Variants in SAMSN1 observed in about 807,000 individuals in gnomAD.
SAMSN1 encodes the protein SAM domain-containing protein SAMSN-1.
Under a neutral mutation model 42.0 loss-of-function variants are expected in SAMSN1, and 31 were observed. The ratio of observed to expected loss-of-function variants is 0.74; its 90% CI spans 0.55 to 1.00. The LOEUF is 1.00. Among genes scored for constraint, SAMSN1 ranks in the 50% least tolerant of loss-of-function variants. The pLI, the probability that SAMSN1 is intolerant of heterozygous loss-of-function variation, is 0.00. For synonymous variants in SAMSN1, 178 were observed against 151.9 expected, an observed-to-expected ratio of 1.17 and a Z score of -1.26; for missense variants, 464 against 439.4, an observed-to-expected ratio of 1.06 and a Z score of -0.50.
At chr21:14,530,335 A>AT (rs1555833460) in intron 1 of SAMSN1, among the ~76,000 whole-genome samples, 214 of 89,744 alleles carry the variant, frequency 2.4e-3, no homozygotes, top group African/African-American at 5.5e-3. Context: ...AAAAAAAAAA[A>AT]AGAAAGAAAT....
intron 2 of SAMSN1, among the ~76,000 whole-genome samples, chr21:14,578,802 G>A (rs193292743): frequency 6.6e-6 from 1 of 150,432 alleles, no homozygotes; most frequent in African/African-American, 2.4e-5. Context: ...TGGGGTTTAG[G>A]CCCAGCTCCA....
intron 6 of SAMSN1, among the ~76,000 whole-genome samples, chr21:14,595,091 T>C (rs192043607): frequency 5.5e-4 from 84 of 152,252 alleles, no homozygotes; most frequent in Non-Finnish European, 1.0e-3. Flanking sequence ...CTTACTGTCA[T>C]GAGAACAGCT....
rs1233092367 is a variant in SAMSN1 at position 14,485,539 on chromosome 21, G to C, written c.*373C>G. 1 of 168,592 alleles carries C rather than the reference G, an allele frequency of 5.9e-6. No homozygotes were observed. The highest frequency in any genetic ancestry group is 1.3e-5 in the Non-Finnish European group (1 of 77,486). The allele number at this position is 168,592 out of a possible 1,614,324, so 10.4% of individuals were successfully genotyped here. On this transcript the variant is annotated 3_prime_UTR_variant, in exon 8 of 8. Coordinates refer to ENST00000400566, the MANE Select transcript of SAMSN1 (RefSeq NM_022136.5). ...AACAGCGAATCCTCTATTACTATTT[G>C]TTCAATAACATATATAAATTCAAAA...
At chr21:14,632,588 A>G (rs1425259966) in intron 2 of SAMSN1, among the ~76,000 whole-genome samples, 1 of 152,182 alleles carries the variant, frequency 6.6e-6, no homozygotes, top group Non-Finnish European at 1.5e-5. Context: ...TTATTGTGCA[A>G]CAGTAAATTG....
chr21:14,632,613 C>A (rs191872922), intron 2 of SAMSN1, among the ~76,000 whole-genome samples: 1 of 152,048 alleles, frequency 6.6e-6, no homozygotes, highest in East Asian at 1.9e-4. Flanking sequence ...ACAAATTACT[C>A]CCAAATTTAA....
chr21:14,541,155 T>C (rs547729884), intron 1 of SAMSN1, among the ~76,000 whole-genome samples: 74 of 141,646 alleles, frequency 5.2e-4, no homozygotes, highest in Non-Finnish European at 9.2e-4. Flanking sequence ...GGGGGAGGGA[T>C]AGCATTAAGA....
intron 2 of SAMSN1, among the ~76,000 whole-genome samples, chr21:14,567,846 A>G (rs1398437790): frequency 6.6e-6 from 1 of 152,018 alleles, no homozygotes; most frequent in African/African-American, 2.4e-5. Context: ...GGAAAATTCA[A>G]TTGCCTACTT....
chr21:14,505,743 A>G (rs1248722966), intron 5 of SAMSN1, among the ~76,000 whole-genome samples: 1 of 152,222 alleles, frequency 6.6e-6, no homozygotes, highest in Non-Finnish European at 1.5e-5. Context: ...CCCTGGAACA[A>G]ATAGACTTAA....
intron 1 of SAMSN1, among the ~76,000 whole-genome samples, chr21:14,531,799 C>A (rs139602092): frequency 6.6e-6 from 1 of 152,010 alleles, no homozygotes; most frequent in Non-Finnish European, 1.5e-5. Flanking sequence ...TCCTTTTAAC[C>A]AAATTTCCTA....
chr21:14,538,318 A>G (rs1032150298), intron 1 of SAMSN1, among the ~76,000 whole-genome samples: 1 of 152,198 alleles, frequency 6.6e-6, no homozygotes, highest in Admixed American at 6.5e-5. Context: ...ATGAAGAAGT[A>G]ATAGAGAGTA....
chr21:14,498,416 G>A, intron 7 of SAMSN1, 26 bp downstream of exon 7: 2 of 1,576,254 alleles, frequency 1.3e-6, no homozygotes, highest in Non-Finnish European at 1.7e-6. Flanking sequence ...TATCAGCTGG[G>A]GAGAAGAGTA....
At chr21:14,549,364 T>G (rs1182343625), upstream of SAMSN1, among the ~76,000 whole-genome samples, 1 of 152,174 alleles carries the variant, frequency 6.6e-6, no homozygotes, top group Admixed American at 6.6e-5. Flanking sequence ...TTTTAGGACA[T>G]GTACACTGGT....
Position 14,647,929 on chromosome 21 carries a change from C to T in SAMSN1, c.25-4796G>A, listed in dbSNP as rs1039880024. On this transcript the variant is annotated intron_variant, in intron 1 of 15. Coordinates refer to the SAMSN1 transcript ENST00000647101. ...TCTAGATATACAATCATGTCGTCTG[C>T]GAACAGGGACAATTTGACTTCCTCT... Among the ~76,000 whole-genome samples the T allele has an allele frequency of 1.8e-3, 266 of 151,776 alleles. 1 individual carries two copies. Among genetic ancestry groups the T allele is most frequent in the South Asian group, 4.0e-3 (19 of 4,796 alleles).
chr21:14,577,264 A>G (rs1271186363), intron 2 of SAMSN1, among the ~76,000 whole-genome samples: 1 of 43,350 alleles, frequency 2.3e-5, no homozygotes, highest in Non-Finnish European at 4.1e-5. Flanking sequence ...ATATATATAT[A>G]TATATATATA....
intron 2 of SAMSN1, among the ~76,000 whole-genome samples, chr21:14,580,955 A>G (rs1269363086): frequency 6.6e-6 from 1 of 152,196 alleles, no homozygotes; most frequent in Non-Finnish European, 1.5e-5. Context: ...GGAAATTGAA[A>G]AAAAAGTACC....
chr21:14,520,257 G>A (rs552116067), intron 2 of SAMSN1, among the ~76,000 whole-genome samples: 92 of 152,290 alleles, frequency 6.0e-4, no homozygotes, highest in African/African-American at 2.2e-3. Flanking sequence ...AGTGTACATT[G>A]AAGTGTGAGA....
intron 2 of SAMSN1, among the ~76,000 whole-genome samples, chr21:14,569,197 A>T (rs769495419): frequency 6.6e-6 from 1 of 152,082 alleles, no homozygotes; most frequent in Non-Finnish European, 1.5e-5. Context: ...TGGGAGGCTG[A>T]GGTGGGAGGA....
At chr21:14,637,721 A>T (rs1016342339) in intron 2 of SAMSN1, among the ~76,000 whole-genome samples, 1 of 152,226 alleles carries the variant, frequency 6.6e-6, no homozygotes, top group Non-Finnish European at 1.5e-5. Flanking sequence ...AACTGAAAAA[A>T]AAAAGGTCTT....
intron 7 of SAMSN1, among the ~76,000 whole-genome samples, chr21:14,490,556 TCA>T (rs1306398030): frequency 2.0e-5 from 3 of 152,234 alleles, no homozygotes; most frequent in African/African-American, 4.8e-5. Context: ...GGCATGTCTC[TCA>T]GTTATTTTTT....
Sources: allele counts gnomAD v4.1 joint callset (sites outside exome capture counted in the v4.1 genomes callset), GRCh38; gene constraint gnomAD v4.1.1; transcripts MANE v1.5; gene names NCBI Gene and HGNC (gene_info 2026-07-23, HGNC 2026-07-21).